Variants in DNAH8 observed in about 807,000 individuals in gnomAD.
The protein encoded by DNAH8 is axonemal beta dynein heavy chain 8.
DNAH8 carries 382 observed loss-of-function variants against 562.1 expected under a neutral mutation model. That is an observed-to-expected ratio of 0.68 (90% CI 0.63 to 0.74). The LOEUF (loss-of-function observed/expected upper bound fraction) is 0.74. DNAH8 is among the 30% of genes least tolerant of loss of function. The pLI is 0.00. For synonymous variants in DNAH8, 1,881 were observed against 1,919.4 expected (o/e 0.98, Z 0.52); for missense variants, 5,203 against 5,620.4 (o/e 0.93, Z 2.37).
chr6:38,986,955 T>A (rs1377547727), intron 87 of DNAH8, among the ~76,000 whole-genome samples: 1 of 152,228 alleles, frequency 6.6e-6, no homozygotes, highest in East Asian at 1.9e-4. Context: ...GACTTTGTCT[T>A]ATTACATCAG....
At chr6:38,810,333 T>C (rs1463147397) in intron 24 of DNAH8, among the ~76,000 whole-genome samples, 3 of 152,212 alleles carry the variant, frequency 2.0e-5, no homozygotes, top group African/African-American at 7.2e-5. Context: ...GGCTCACCTC[T>C]GTAATCCCAG....
At chr6:38,918,233 C>A in intron 70 of DNAH8, 93 bp downstream of exon 70, 3 of 887,610 alleles carry the variant, frequency 3.4e-6, no homozygotes, top group East Asian at 2.6e-5. Flanking sequence ...TAGTTTAGAC[C>A]AATAAAGGTA....
intron 78 of DNAH8, 104 bp from the exon 79 acceptor site, chr6:38,938,694 A>T (rs1783180577): frequency 2.7e-6 from 2 of 735,314 alleles, no homozygotes; most frequent in Non-Finnish European, 4.5e-6. Flanking sequence ...CCACCATGAC[A>T]TAGGTTTACC....
intron 42 of DNAH8, among the ~76,000 whole-genome samples, chr6:38,858,219 C>T (rs1439766052): frequency 1.3e-5 from 2 of 152,242 alleles, no homozygotes; most frequent in South Asian, 4.2e-4. Context: ...TGACCAAGGC[C>T]AACTTCTCCT....
chr6:38,913,634 C>T (rs573072272), intron 66 of DNAH8, among the ~76,000 whole-genome samples: 10 of 152,248 alleles, frequency 6.6e-5, no homozygotes, highest in South Asian at 4.1e-4. Context: ...TGATATTCTT[C>T]GGTCAGAGCT....
At chr6:38,784,546 AG>A (rs1474702349) in intron 17 of DNAH8, among the ~76,000 whole-genome samples, 1 of 152,180 alleles carries the variant, frequency 6.6e-6, no homozygotes, top group Admixed American at 6.5e-5. Context: ...ACTGCTTTAT[AG>A]ATCTACCTTG....
intron 88 of DNAH8, among the ~76,000 whole-genome samples, chr6:39,005,465 G>A (rs921459820): frequency 2.0e-5 from 3 of 152,094 alleles, no homozygotes; most frequent in Non-Finnish European, 2.9e-5. Context: ...TAGCAATTAC[G>A]AAGGTTCAGG....
chr6:38,738,889 A>AT lies in DNAH8; in HGVS notation c.1116+926dup, dbSNP rs1172303931. Reference sequence around the variant, plus strand: ...CCACCGTGCCCAGCCAAGACTTCCTATTTTTTTTTGAAAAATCTTTGGTTA... The same window carrying AT: ...CCACCGTGCCCAGCCAAGACTTCCTATTTTTTTTTTGAAAAATCTTTGGTTA... On this transcript the variant is annotated intron_variant, in intron 7 of 92. Transcript: ENST00000327475. 1.3e-4 allele frequency among the ~76,000 whole-genome samples: 20 copies of AT among 150,920 alleles called. No homozygotes were observed. The South Asian group carries it at 1.9e-3, about 14-fold the overall frequency.
chr6:38,937,191 C>A (rs145829181), intron 77 of DNAH8, among the ~76,000 whole-genome samples: 2 of 146,944 alleles, frequency 1.4e-5, no homozygotes, highest in South Asian at 4.6e-4. Flanking sequence ...ACATCACACA[C>A]TGGGGCCTGT....
chr6:38,846,620 G>C (rs1393901422), intron 36 of DNAH8, among the ~76,000 whole-genome samples: 1 of 152,100 alleles, frequency 6.6e-6, no homozygotes, highest in Non-Finnish European at 1.5e-5. Context: ...CAAGGTCCTC[G>C]GATGCATCCT....
intron 10 of DNAH8, among the ~76,000 whole-genome samples, chr6:38,757,449 A>C (rs1766031482): frequency 6.6e-6 from 1 of 151,576 alleles, no homozygotes; most frequent in Non-Finnish European, 1.5e-5. Flanking sequence ...AGATTGCAAA[A>C]ATTTTCTCCC....
intron 7 of DNAH8, among the ~76,000 whole-genome samples, chr6:38,738,583 C>T (rs988666847): frequency 2.6e-4 from 39 of 152,246 alleles, no homozygotes; most frequent in African/African-American, 3.1e-4. Context: ...TTCTAGGAAC[C>T]GCCCCCCAGA....
intron 63 of DNAH8, among the ~76,000 whole-genome samples, chr6:38,907,516 A>G (rs58580420): frequency 0.035 from 5,278 of 152,316 alleles, 324 homozygotes; most frequent in East Asian, 0.28. Flanking sequence ...CTGATAACAG[A>G]CAAGGGTCAG....
At chr6:38,911,216 A>G (rs1300325470) in intron 65 of DNAH8, among the ~76,000 whole-genome samples, 2 of 152,236 alleles carry the variant, frequency 1.3e-5, no homozygotes, top group Admixed American at 1.3e-4. Context: ...GGTAGAGCAG[A>G]TATTCTTTTC....
At chr6:38,864,148 C>CA in intron 45 of DNAH8, 88 bp downstream of exon 45, 1 of 1,210,022 alleles carries the variant, frequency 8.3e-7, no homozygotes, top group Non-Finnish European at 1.2e-6. Context: ...GGTAGATGAC[C>CA]AACTATCCAG....
chr6:38,997,036 C>T lies in DNAH8; in HGVS notation c.13214+6864C>T, dbSNP rs965687101. On this transcript the variant is annotated intron_variant, in intron 88 of 92. Coordinates refer to ENST00000327475, the MANE Select transcript of DNAH8 (RefSeq NM_001206927.2). The stretch of plus-strand genomic sequence containing the variant: ...TAAGACCTTCGTCCTCCTCTGTTCT[C>T]TCTTCATCCTTAACTTCCCATATGG... 2.0e-5 allele frequency among the ~76,000 whole-genome samples: 3 copies of T among 152,220 alleles called. No homozygotes were observed. The East Asian group carries it at 5.8e-4, about 30-fold the overall frequency.
chr6:38,813,420 T>A (rs1771975587), intron 24 of DNAH8, among the ~76,000 whole-genome samples: 1 of 152,058 alleles, frequency 6.6e-6, no homozygotes, highest in Admixed American at 6.6e-5. Flanking sequence ...CATCTGCTTG[T>A]ATTTAGAAAT....
intron 24 of DNAH8, among the ~76,000 whole-genome samples, chr6:38,810,451 G>A (rs1364664557): frequency 1.3e-5 from 2 of 152,106 alleles, no homozygotes; most frequent in Non-Finnish European, 2.9e-5. Flanking sequence ...AAGTAGGCAG[G>A]TGTGGTGGTG....
At chr6:38,862,247 A>C in intron 43 of DNAH8, 33 bp from the exon 44 acceptor site, 1 of 1,593,194 alleles carries the variant, frequency 6.3e-7, no homozygotes, top group Non-Finnish European at 8.6e-7. Context: ...GTCATCCCAT[A>C]CTCACAATGC....
Sources: gnomAD v4.1 joint callset for allele counts (sites outside exome capture counted in the v4.1 genomes callset) on GRCh38, gnomAD v4.1.1 for gene constraint, MANE v1.5 for transcripts, NCBI Gene and HGNC (gene_info 2026-07-23, HGNC 2026-07-21) for gene names.